Variants in PIK3CA observed in about 807,000 individuals in gnomAD.
The protein encoded by PIK3CA is phosphatidylinositol-4,5-bisphosphate 3-kinase catalytic subunit alpha.
A neutral mutation model predicts 138.2 loss-of-function variants in PIK3CA; 27 were observed. That is an observed-to-expected ratio of 0.20 (90% CI 0.14 to 0.27). The LOEUF is 0.27. PIK3CA is among the 10% of genes least tolerant of loss of function. The pLI is 1.00. For synonymous variants in PIK3CA, 358 were observed against 413.2 expected (o/e 0.87, Z 1.62); for missense variants, 544 against 1,277.4 (o/e 0.43, Z 8.75).
intron 1 of PIK3CA, among the ~76,000 whole-genome samples, chr3:179,187,067 C>T (rs1316504998): frequency 1.3e-5 from 2 of 151,608 alleles, no homozygotes; most frequent in African/African-American, 4.8e-5. Flanking sequence ...AAAAAATTAC[C>T]CTCTATATGA....
chr3:179,179,058 A>G (rs1723775531), intron 1 of PIK3CA, among the ~76,000 whole-genome samples: 1 of 152,230 alleles, frequency 6.6e-6, no homozygotes, highest in Non-Finnish European at 1.5e-5. Flanking sequence ...GAATCAGGGT[A>G]GGAATCCTCC....
chr3:179,180,177 T>C (rs1723806047), intron 1 of PIK3CA, among the ~76,000 whole-genome samples: 1 of 152,148 alleles, frequency 6.6e-6, no homozygotes, highest in Non-Finnish European at 1.5e-5. Context: ...AGTGACACTG[T>C]AGATAATGAA....
Position 179,201,517 on chromosome 3 carries a change from A to G in PIK3CA, c.790A>G (p.Lys264Glu). The G allele has an allele frequency of 6.2e-7, 1 of 1,605,248 alleles. No homozygotes were observed. Among genetic ancestry groups the G allele is most frequent in the Non-Finnish European group, 8.5e-7 (1 of 1,172,232 alleles). Residue 264 changes from lysine to glutamate, a missense_variant, in exon 4 of 21, where the codon AAA becomes GAA. By Grantham distance (56) the Lys-to-Glu change is moderately conservative. Transcript: ENST00000263967. ...TGGATGTGATGAATACTTCCTAGAAAAATATCCTCTGAGTCAGTATAAGGT... is the reference window on the plus strand; with the variant it reads ...TGGATGTGATGAATACTTCCTAGAAGAATATCCTCTGAGTCAGTATAAGGT... ...VCGCDEYFLE[K>E]YPLSQYKYIR...
intron 1 of PIK3CA, among the ~76,000 whole-genome samples, chr3:179,187,537 CAAAA>C (rs375116506): frequency 0.012 from 745 of 63,340 alleles, 8 homozygotes; most frequent in Admixed American, 0.019. Context: ...GACTCCGCCT[CAAAA>C]AAAAAAAAAA....
chr3:179,165,100 C>G (rs186303624), intron 1 of PIK3CA, among the ~76,000 whole-genome samples: 17 of 152,222 alleles, frequency 1.1e-4, no homozygotes. Context: ...ACTTTCCACA[C>G]TGCTGTAAAA....
At position 179,198,844 on chromosome 3, in the gene PIK3CA, T is replaced by G. The variant is rs2108384996; in HGVS notation, c.19T>G (p.Ser7Ala). 6.4e-7 allele frequency: 1 copy of G among 1,551,208 alleles called. No homozygotes were observed. Reference sequence around the variant, plus strand: ...CAGAACAATGCCTCCACGACCATCATCAGGTGAACTGTGGGGCATCCACTT... The same window carrying G: ...CAGAACAATGCCTCCACGACCATCAGCAGGTGAACTGTGGGGCATCCACTT... MPPRPS[S>A]GELWGIHLMP... The change falls in exon 2 of 21, where the codon TCA becomes GCA. Residue 7 changes from serine (S) to alanine (A), a missense_variant. Around this residue, in one of 14 missense-constraint regions of PIK3CA, gnomAD observed 47 missense variants for 84.0 expected, o/e 0.56. Transcript: ENST00000263967.
At chr3:179,173,768 C>T (rs1723624854) in intron 1 of PIK3CA, among the ~76,000 whole-genome samples, 1 of 151,864 alleles carries the variant, frequency 6.6e-6, no homozygotes, top group African/African-American at 2.4e-5. Flanking sequence ...CTCTTGTTGC[C>T]CAGGCTAGAG....
intron 1 of PIK3CA, among the ~76,000 whole-genome samples, chr3:179,179,757 G>T (rs956934395): frequency 3.3e-5 from 5 of 152,116 alleles, no homozygotes; most frequent in African/African-American, 1.2e-4. Context: ...AAAGATGTCA[G>T]TTCTCCCTGT....
At chr3:179,211,702 G>T in intron 9 of PIK3CA, among the ~76,000 whole-genome samples, 1 of 152,214 alleles carries the variant, frequency 6.6e-6, no homozygotes, top group East Asian at 1.9e-4. Context: ...ATGTAATGCT[G>T]ATCATCTCTA....
chr3:179,180,788 TG>T (rs1276544800), intron 1 of PIK3CA, among the ~76,000 whole-genome samples: 3 of 152,132 alleles, frequency 2.0e-5, no homozygotes, highest in East Asian at 1.9e-4. Flanking sequence ...TGAGGAAATT[TG>T]GGGGGACACA....
intron 1 of PIK3CA, among the ~76,000 whole-genome samples, chr3:179,196,162 A>T (rs1182234714): frequency 2.0e-5 from 3 of 152,198 alleles, no homozygotes; most frequent in Admixed American, 6.5e-5. Flanking sequence ...TAGGGAACAT[A>T]TGAGGGTTCC....
chr3:179,163,204 A>G (rs572685375), intron 1 of PIK3CA, among the ~76,000 whole-genome samples: 3 of 152,306 alleles, frequency 2.0e-5, no homozygotes, highest in Admixed American at 1.3e-4. Flanking sequence ...TTCATCTTAC[A>G]TACCAAAATA....
In PIK3CA at chr3:179,219,749, A is replaced by C. The variant is rs1420138781; in HGVS notation, c.1911+14A>C. The C allele has an allele frequency of 2.1e-6, 3 of 1,462,292 alleles. No homozygotes were observed. The African/African-American group carries it at 4.3e-5, about 21-fold the overall frequency. 90.6% of individuals were successfully genotyped at this position (1,462,292 alleles called of 1,614,324 possible). A position where few individuals can be genotyped will look rare whatever the true frequency, so the allele number is the denominator to read the frequency against. On this transcript the variant is annotated intron_variant, in intron 12 of 20. Transcript: ENST00000263967. This position sits in a 1 kb window ranked among gnomAD's most constrained non-coding sequence, Gnocchi z 4.2. Reference sequence around the variant, plus strand: ...CAGCTAGTACAGGTAAAATAATGTAAAATAGTAAATAATGTTTAATTACAA... The same window carrying C: ...CAGCTAGTACAGGTAAAATAATGTACAATAGTAAATAATGTTTAATTACAA...
intron 9 of PIK3CA, among the ~76,000 whole-genome samples, chr3:179,214,138 A>G (rs1724785161): frequency 6.6e-6 from 1 of 152,222 alleles, no homozygotes; most frequent in African/African-American, 2.4e-5. Flanking sequence ...TTGTTTTCTT[A>G]TACTTCATTC....
Position 179,235,523 on chromosome 3 carries a change from C to T in PIK3CA, c.*1159C>T, listed in dbSNP as rs1226098334. Reference sequence around the variant, plus strand: ...AAAACATAAAAACTTCATCTTCTTTCCTTTTATTTCTTATGTGAATCTCCC... The same window carrying T: ...AAAACATAAAAACTTCATCTTCTTTTCTTTTATTTCTTATGTGAATCTCCC... On this transcript the variant is annotated 3_prime_UTR_variant, in exon 21 of 21. Coordinates refer to ENST00000263967, the MANE Select transcript of PIK3CA (RefSeq NM_006218.4). 2 of 194,400 alleles carry T rather than the reference C, an allele frequency of 1.0e-5. No homozygotes were observed. The highest frequency in any genetic ancestry group is 2.1e-5 in the Non-Finnish European group (2 of 93,298). 12.0% of individuals were successfully genotyped at this position (194,400 alleles called of 1,614,324 possible).
At position 179,236,922 on chromosome 3, in the gene PIK3CA, G is replaced by A. The variant is rs1409038666; in HGVS notation, c.*2558G>A. On this transcript the variant is annotated 3_prime_UTR_variant, in exon 21 of 21. Coordinates refer to ENST00000263967, the MANE Select transcript of PIK3CA (RefSeq NM_006218.4). The stretch of plus-strand genomic sequence containing the variant: ...ATCAGAGATCAGTTCTCGTGGTTTA[G>A]ACAGTTCCTATCTATAGCTGACTAT... The A allele has an allele frequency of 4.9e-6, 1 of 205,418 alleles. No homozygotes were observed. The highest frequency in any genetic ancestry group is 2.3e-5 in the African/African-American group (1 of 43,870). 12.7% of individuals were successfully genotyped at this position (205,418 alleles called of 1,614,324 possible).
chr3:179,228,885 G>C (rs1159015994), intron 17 of PIK3CA, among the ~76,000 whole-genome samples: 2 of 152,016 alleles, frequency 1.3e-5, no homozygotes, highest in African/African-American at 4.8e-5. Context: ...ATTTCTACAA[G>C]TGTAAAGGAG....
chr3:179,166,097 C>T (rs567930751), intron 1 of PIK3CA, among the ~76,000 whole-genome samples: 96 of 152,230 alleles, frequency 6.3e-4, no homozygotes, highest in African/African-American at 2.2e-3. Flanking sequence ...AAGCCTGGCA[C>T]AAAATAATTG....
intron 1 of PIK3CA, among the ~76,000 whole-genome samples, chr3:179,152,964 A>G (rs754984482): frequency 9.9e-5 from 15 of 152,194 alleles, no homozygotes; most frequent in Non-Finnish European, 7.4e-5. Context: ...ATGAACTTAC[A>G]CTGTCTCCAA....
Sources: gnomAD v4.1 joint callset for allele counts (sites outside exome capture counted in the v4.1 genomes callset) on GRCh38, gnomAD v4.1.1 for gene constraint, gnomAD v4.1.1 regional missense constraint, Gnocchi (gnomAD v3.1) non-coding constraint, MANE v1.5 for transcripts, NCBI Gene and HGNC (gene_info 2026-07-23, HGNC 2026-07-21) for gene names.